RBFOX1: variants seen among roughly 807,000 people sequenced by gnomAD.
RBFOX1 encodes the protein RNA binding protein fox-1 homolog 1.
A neutral mutation model predicts 57.7 loss-of-function variants in RBFOX1; 8 were observed. The ratio of observed to expected loss-of-function variants is 0.14; its 90% CI spans 0.08 to 0.25. The LOEUF (loss-of-function observed/expected upper bound fraction) is 0.25. Among genes scored for constraint, RBFOX1 ranks in the 10% least tolerant of loss-of-function variants. The pLI is 1.00. For synonymous variants in RBFOX1, 326 were observed against 222.4 expected (o/e 1.47, Z -4.15); for missense variants, 611 against 548.5 (o/e 1.11, Z -1.14).
chr16:7,500,587 TGCATTGGAAATAC>T (rs1413403974), intron 4 of RBFOX1, among the ~76,000 whole-genome samples: 1 of 152,202 alleles, frequency 6.6e-6, no homozygotes, highest in African/African-American at 2.4e-5. Flanking sequence ...AACAGTTTGA[TGCATTGGAAATAC>T]CTCTAGGGTT....
At chr16:5,991,566 A>C (rs1488166030) in intron 4 of RBFOX1, among the ~76,000 whole-genome samples, 2 of 152,090 alleles carry the variant, frequency 1.3e-5, no homozygotes, top group Admixed American at 1.3e-4. Context: ...ATCTGTACTC[A>C]ATGATCGCAG....
At chr16:5,919,235 T>A (rs771458838) in intron 4 of RBFOX1, among the ~76,000 whole-genome samples, 1 of 152,254 alleles carries the variant, frequency 6.6e-6, no homozygotes, top group Non-Finnish European at 1.5e-5. Flanking sequence ...TTAATGCCTA[T>A]TTCTCTGAAT....
chr16:7,426,580 C>G (rs555316595), intron 4 of RBFOX1, among the ~76,000 whole-genome samples: 1 of 152,104 alleles, frequency 6.6e-6, no homozygotes, highest in Non-Finnish European at 1.5e-5. Context: ...CAAATAGATG[C>G]GCCAAGGGAG....
intron 2 of RBFOX1, among the ~76,000 whole-genome samples, chr16:6,618,440 T>C (rs1342490991): frequency 6.6e-6 from 1 of 152,216 alleles, no homozygotes; most frequent in Non-Finnish European, 1.5e-5. Context: ...AAGACTAGTG[T>C]GTCAGAAGTC....
chr16:7,169,545 G>GA (rs2080260018), intron 4 of RBFOX1, among the ~76,000 whole-genome samples: 1 of 152,168 alleles, frequency 6.6e-6, no homozygotes, highest in South Asian at 2.1e-4. Flanking sequence ...TCCCCTTGTA[G>GA]AAAAACAGTG....
chr16:6,897,091 G>T (rs1008867429), intron 3 of RBFOX1, among the ~76,000 whole-genome samples: 8 of 152,118 alleles, frequency 5.3e-5, no homozygotes, highest in African/African-American at 1.9e-4. Flanking sequence ...AGGGAGCAAT[G>T]GATGGGGCTA....
chr16:7,083,168 G>T (rs1163388466), intron 4 of RBFOX1, among the ~76,000 whole-genome samples: 1 of 152,080 alleles, frequency 6.6e-6, no homozygotes, highest in Non-Finnish European at 1.5e-5. Flanking sequence ...GAAATAATTT[G>T]CTGACACCCC....
At chr16:6,118,581 C>T (rs76209941) in intron 1 of RBFOX1, among the ~76,000 whole-genome samples, 2,821 of 152,012 alleles carry the variant, frequency 0.019, 81 homozygotes, top group African/African-American at 0.062. Context: ...CTTTCTCTCT[C>T]TCCTTCTCTC....
chr16:5,857,766 A>T (rs2057109557), intron 3 of RBFOX1, among the ~76,000 whole-genome samples: 1 of 151,902 alleles, frequency 6.6e-6, no homozygotes, highest in African/African-American at 2.4e-5. Context: ...TACCAAGGAA[A>T]AAAAAAACAA....
intron 1 of RBFOX1, among the ~76,000 whole-genome samples, chr16:6,066,275 C>G (rs1291799561): frequency 2.9e-5 from 3 of 102,166 alleles, no homozygotes; most frequent in African/African-American, 1.3e-4. Flanking sequence ...AGCCTGACTA[C>G]AGAGCAAGAC....
intron 4 of RBFOX1, among the ~76,000 whole-genome samples, chr16:7,314,332 C>A (rs6500946): frequency 0.75 from 113,361 of 152,000 alleles, 42,366 homozygotes; most frequent in East Asian, 0.92. Context: ...GTGTTCATAA[C>A]GGAATTTCAG....
chr16:5,567,957 G>A (rs185801558), intron 2 of RBFOX1, among the ~76,000 whole-genome samples: 1 of 152,186 alleles, frequency 6.6e-6, no homozygotes, highest in Non-Finnish European at 1.5e-5. Context: ...GGGCAGAGGG[G>A]CTGGGATTAG....
Position 7,441,671 on chromosome 16 carries a change from G to A in RBFOX1, c.28-76476G>A, listed in dbSNP as rs1367246511. On this transcript the variant is annotated intron_variant, in intron 4 of 15. Coordinates refer to ENST00000550418, the MANE Select transcript of RBFOX1 (RefSeq NM_018723.4). ...ATTACATTTAAAATCGAAATTTTTG[G>A]CTTCTTGCAAAAAAATCAGACGATC... Among the ~76,000 whole-genome samples the A allele has an allele frequency of 2.0e-5, 3 of 152,148 alleles. No individual in the cohort carries two copies. The East Asian group carries it at 5.8e-4, about 29-fold the overall frequency.
intron 3 of RBFOX1, among the ~76,000 whole-genome samples, chr16:6,847,670 A>G (rs952730062): frequency 1.3e-5 from 2 of 152,154 alleles, no homozygotes; most frequent in Admixed American, 6.5e-5. Context: ...CATAACTACA[A>G]GAGGCTGATA....
At chr16:7,151,942 T>C (rs977016979) in intron 4 of RBFOX1, among the ~76,000 whole-genome samples, 4 of 152,180 alleles carry the variant, frequency 2.6e-5, no homozygotes, top group African/African-American at 4.8e-5. Context: ...TAAATATAGA[T>C]GAAGCTTTGC....
intron 4 of RBFOX1, among the ~76,000 whole-genome samples, chr16:7,157,102 C>T (rs560840845): frequency 1.3e-5 from 2 of 152,278 alleles, no homozygotes; most frequent in South Asian, 4.1e-4. Context: ...CACTTCCATG[C>T]TATTGAGTGT....
In RBFOX1 at chr16:7,016,699, C is replaced by G. The variant is rs2093932741; in HGVS notation, c.-15-35358C>G. Among the ~76,000 whole-genome samples, 3 of 152,192 alleles carry G rather than the reference C, an allele frequency of 2.0e-5. No individual in the cohort carries two copies. In the South Asian group the frequency reaches 6.2e-4, roughly 32 times the overall value. Reference sequence around the variant, plus strand: ...ACTTGAAGTCACATGTGACTGATGCCTATTCCCGTATTTTTCTTTTTTCTA... The same window carrying G: ...ACTTGAAGTCACATGTGACTGATGCGTATTCCCGTATTTTTCTTTTTTCTA... On this transcript the variant is annotated intron_variant, in intron 3 of 15. Transcript: ENST00000550418.
At chr16:6,613,841 G>C (rs1005533336) in intron 2 of RBFOX1, among the ~76,000 whole-genome samples, 3 of 152,188 alleles carry the variant, frequency 2.0e-5, no homozygotes, top group African/African-American at 4.8e-5. Flanking sequence ...GGGAGGCTGA[G>C]GGAGGAGAAT....
chr16:7,552,179 G>C (rs933328920), intron 5 of RBFOX1, among the ~76,000 whole-genome samples: 1 of 152,124 alleles, frequency 6.6e-6, no homozygotes, highest in African/African-American at 2.4e-5. Flanking sequence ...TTCATCCTTA[G>C]ATTTTGTTTC....
Sources: gnomAD v4.1 joint callset for allele counts (sites outside exome capture counted in the v4.1 genomes callset) on GRCh38, gnomAD v4.1.1 for gene constraint, MANE v1.5 for transcripts, NCBI Gene and HGNC (gene_info 2026-07-23, HGNC 2026-07-21) for gene names.